The following ADAMTS15 variants were observed in gnomAD, a reference collection of about 807,000 sequenced individuals.
The protein encoded by ADAMTS15 is A disintegrin and metalloproteinase with thrombospondin motifs 15.
Under a neutral mutation model 79.1 loss-of-function variants are expected in ADAMTS15, and 35 were observed. The observed-to-expected ratio is 0.44, with a 90% CI of 0.34 to 0.59. ADAMTS15 has a LOEUF of 0.59. ADAMTS15 is among the 20% of genes least tolerant of loss of function. The pLI, the probability that ADAMTS15 is intolerant of heterozygous loss-of-function variation, is 0.02. For missense variants in ADAMTS15, 1,324 were observed against 1,318.7 expected (o/e 1.00, Z -0.06); for synonymous variants, 616 against 567.3 (o/e 1.09, Z -1.22).
At position 130,449,761 on chromosome 11, in the gene ADAMTS15, A is replaced by T; in HGVS notation, c.788A>T (p.Asn263Ile). The T allele has an allele frequency of 6.2e-7, 1 of 1,612,758 alleles. No individual in the cohort carries two copies. The highest frequency in any genetic ancestry group is 1.1e-5 in the South Asian group (1 of 91,068). The change falls in exon 1 of 8, where the codon AAC becomes ATC. Residue 263 changes from asparagine (N) to isoleucine (I), a missense_variant. Transcript: ENST00000299164. This position sits in a 1 kb window ranked among gnomAD's most constrained non-coding sequence, Gnocchi z 7.8. The part of the protein sequence containing the change: ...YRHPSILNPI[N>I]IVVVKVLLLR... ...CATCCCAGCATCCTCAACCCCATCA[A>T]CATCGTTGTGGTCAAGGTGCTGCTT... is the stretch of plus-strand genomic sequence containing the variant.
At chr11:130,468,062 GTGAATGCA>G (rs1810865406) in intron 4 of ADAMTS15, among the ~76,000 whole-genome samples, 1 of 152,164 alleles carries the variant, frequency 6.6e-6, no homozygotes, top group Non-Finnish European at 1.5e-5. Flanking sequence ...AGGGATGCCT[GTGAATGCA>G]CTAACAACAA....
chr11:130,451,351 G>C (rs1937956937), intron 1 of ADAMTS15, among the ~76,000 whole-genome samples: 1 of 152,148 alleles, frequency 6.6e-6, no homozygotes, highest in African/African-American at 2.4e-5. Context: ...TCCCTTCCTG[G>C]AGTCGAACTT....
chr11:130,469,623 A>G (rs1423749402), intron 5 of ADAMTS15, among the ~76,000 whole-genome samples, 184 bp downstream of exon 5: 2 of 152,214 alleles, frequency 1.3e-5, no homozygotes, highest in East Asian at 3.9e-4. Flanking sequence ...CAGGATTCCA[A>G]CCTTCAGGAC....
rs765014170 is a variant in ADAMTS15, at chr11:130,461,581, C to T, written c.1050C>T (p.Asp350=). 62 of 1,614,132 alleles carry T rather than the reference C, an allele frequency of 3.8e-5. 1 individual carries two copies. Among genetic ancestry groups the T allele is most frequent in the South Asian group, 7.7e-5 (7 of 91,080 alleles). The change falls in exon 2 of 8, where the codon GAC becomes GAT. Residue 350 remains aspartate, a synonymous_variant. Coordinates refer to ENST00000299164, the MANE Select transcript of ADAMTS15 (RefSeq NM_139055.4). Reference sequence around the variant, plus strand: ...AGAGAAGCTGCTCTGTCATTGAGGACGATGGGCTTCCATCAGCCTTCACCA... The same window carrying T: ...AGAGAAGCTGCTCTGTCATTGAGGATGATGGGCTTCCATCAGCCTTCACCA... ...DPKRSCSVIE[D]DGLPSAFTTA...
At position 130,473,489 on chromosome 11, in the gene ADAMTS15, G is replaced by A; in HGVS notation, c.2521G>A (p.Ala841Thr). The change falls in exon 8 of 8, where the codon GCA becomes ACA. Residue 841 changes from alanine (A) to threonine (T), a missense_variant. Ala to Thr is a moderately conservative substitution (Grantham distance 58, BLOSUM62 0). Transcript: ENST00000299164. ...GGAGCAGCCGGACGACAGGCCCCCTGCACGCTGGGTGGCTGGCAGCTGGGG... is the reference window on the plus strand; with the variant it reads ...GGAGCAGCCGGACGACAGGCCCCCTACACGCTGGGTGGCTGGCAGCTGGGG... ...QVEQPDDRPPARWVAGSWGPC... is the reference protein window; with the variant it reads ...QVEQPDDRPPTRWVAGSWGPC... 1 of 1,610,990 alleles carries A rather than the reference G, an allele frequency of 6.2e-7. No homozygotes were observed. The highest frequency in any genetic ancestry group is 8.5e-7 in the Non-Finnish European group (1 of 1,178,678).
Position 130,462,884 on chromosome 11 carries a change from A to T in ADAMTS15, c.1542+104A>T. ...TTCACCAGGAAGGTGCCTATCACAGACTGGCCACGGGACCAGCACTGTTGC... is the reference window on the plus strand; with the variant it reads ...TTCACCAGGAAGGTGCCTATCACAGTCTGGCCACGGGACCAGCACTGTTGC... On this transcript the variant is annotated intron_variant, in intron 4 of 7. Transcript: ENST00000299164. This position sits in a 1 kb window ranked among gnomAD's most constrained non-coding sequence, Gnocchi z 4.3. 1.4e-6 allele frequency: 2 copies of T among 1,466,688 alleles called. No homozygotes were observed. Among genetic ancestry groups the T allele is most frequent in the Non-Finnish European group, 1.8e-6 (2 of 1,088,294 alleles). The allele number at this position is 1,466,688 out of a possible 1,614,324, so 90.9% of individuals were successfully genotyped here.
Position 130,449,465 on chromosome 11 carries a change from C to T in ADAMTS15, c.492C>T (p.Gly164=), listed in dbSNP as rs1187988301. Residue 164 remains glycine (G), a synonymous_variant, in exon 1 of 8, where the codon GGC becomes GGT. Transcript: ENST00000299164. The surrounding 1 kb of genome is among the most constrained non-coding windows in gnomAD (Gnocchi z 7.8). Reference sequence around the variant, plus strand: ...TTCTCCAGCGCCGGGGTGTTCCGGGCGGGCCTTCCGGAGACCCCACCTCTC... The same window carrying T: ...TTCTCCAGCGCCGGGGTGTTCCGGGTGGGCCTTCCGGAGACCCCACCTCTC... ...AHLLQRRGVP[G]GPSGDPTSRC... 1.9e-6 allele frequency: 3 copies of T among 1,568,194 alleles called. No individual in the cohort carries two copies. Among genetic ancestry groups the T allele is most frequent in the Non-Finnish European group, 2.6e-6 (3 of 1,160,874 alleles).
rs1938371746 is a variant in ADAMTS15 at position 130,469,268 on chromosome 11, G to A, written c.1549G>A (p.Gly517Ser). Residue 517 changes from glycine to serine, a missense_variant, in exon 5 of 8, where the codon GGT (glycine) becomes AGT (serine). Transcript: ENST00000299164. Reference protein sequence around the residue: ...RHNLNKHRVDGSWAKWDPYGP... With the variant: ...RHNLNKHRVDSSWAKWDPYGP... ...AACAGGCTCTTCCTCACAGGTGGAT[G>A]GTTCCTGGGCCAAATGGGATCCCTA... 2 of 1,397,718 alleles carry A rather than the reference G, an allele frequency of 1.4e-6. No homozygotes were observed. Among genetic ancestry groups the A allele is most frequent in the South Asian group, 1.9e-5 (1 of 52,948 alleles). 86.6% of individuals were successfully genotyped at this position (1,397,718 alleles called of 1,614,324 possible).
At chr11:130,468,288 G>A in intron 4 of ADAMTS15, among the ~76,000 whole-genome samples, 1 of 152,156 alleles carries the variant, frequency 6.6e-6, no homozygotes, top group East Asian at 1.9e-4. Context: ...AGGAGGGTTT[G>A]CCCGTTGCTC....
intron 1 of ADAMTS15, among the ~76,000 whole-genome samples, chr11:130,451,621 G>A (rs1402676117): frequency 1.3e-5 from 2 of 152,088 alleles, no homozygotes; most frequent in African/African-American, 4.8e-5. Context: ...AATGGGCAAA[G>A]CAGCTGTTGC....
chr11:130,471,137 C>T lies in ADAMTS15; in HGVS notation c.1902+36C>T, dbSNP rs773439111. The T allele has an allele frequency of 3.1e-6, 5 of 1,597,818 alleles. No homozygotes were observed. The Admixed American group carries it at 6.8e-5, about 22-fold the overall frequency. On this transcript the variant is annotated intron_variant, in intron 6 of 7. Coordinates refer to ENST00000299164, the MANE Select transcript of ADAMTS15 (RefSeq NM_139055.4). ...CTGGGGCCTGAGAACAAAGTAGGGA[C>T]CAGGTCTTCCGGGGAGCATCAGCTG... is the stretch of plus-strand genomic sequence containing the variant.
At chr11:130,452,554 C>T (rs1163964849) in intron 1 of ADAMTS15, among the ~76,000 whole-genome samples, 6 of 152,218 alleles carry the variant, frequency 3.9e-5, no homozygotes, top group Admixed American at 3.9e-4. Flanking sequence ...GGTCCAATAA[C>T]GCTGCCGTTT....
chr11:130,455,898 C>G (rs1938068502), intron 1 of ADAMTS15, among the ~76,000 whole-genome samples: 1 of 152,072 alleles, frequency 6.6e-6, no homozygotes, highest in Non-Finnish European at 1.5e-5. Context: ...CCAGGCCTCT[C>G]CCCACTCAGT....
chr11:130,462,582 C>T lies in ADAMTS15; in HGVS notation c.1344C>T (p.Cys448=), dbSNP rs376836072. The T allele has an allele frequency of 2.3e-5, 37 of 1,613,660 alleles. No homozygotes were observed. The highest frequency in any genetic ancestry group is 4.5e-5 in the East Asian group (2 of 44,866). Residue 448 remains cysteine, a synonymous_variant, in exon 4 of 8, where the codon TGC becomes TGT. Coordinates refer to ENST00000299164, the MANE Select transcript of ADAMTS15 (RefSeq NM_139055.4). This position sits in a 1 kb window ranked among gnomAD's most constrained non-coding sequence, Gnocchi z 4.3. The stretch of plus-strand genomic sequence containing the variant: ...CCAGCTACACCCTGAGCCAGCAGTG[C>T]GAGCTGGCTTTTGGCGTGGGCTCCA... ...PGASYTLSQQ[C]ELAFGVGSKP...
chr11:130,471,197 G>C lies in ADAMTS15; in HGVS notation c.1903-11G>C, dbSNP rs753375860. 28 of 1,590,648 alleles carry C rather than the reference G, an allele frequency of 1.8e-5. No homozygotes were observed. Among genetic ancestry groups the C allele is most frequent in the Non-Finnish European group, 2.1e-5 (25 of 1,167,726 alleles). ...GCTCTTCCTTCTTTTTCCCCTTCTGGGGTGCTGCAGGTGGTGGACGGCACG... is the reference window on the plus strand; with the variant it reads ...GCTCTTCCTTCTTTTTCCCCTTCTGCGGTGCTGCAGGTGGTGGACGGCACG... On this transcript the variant is annotated splice_polypyrimidine_tract_variant and intron_variant, in intron 6 of 7. Coordinates refer to ENST00000299164, the MANE Select transcript of ADAMTS15 (RefSeq NM_139055.4).
In ADAMTS15 at chr11:130,462,186, T is replaced by C. The variant is rs1938213617; in HGVS notation, c.1190T>C (p.Ile397Thr). 1 of 1,614,070 alleles carries C rather than the reference T, an allele frequency of 6.2e-7. No individual in the cohort carries two copies. The highest frequency in any genetic ancestry group is 8.5e-7 in the Non-Finnish European group (1 of 1,180,044). The change falls in exon 3 of 8, where the codon ATC (isoleucine) becomes ACC (threonine). Residue 397 changes from isoleucine to threonine, a missense_variant. Coordinates refer to ENST00000299164, the MANE Select transcript of ADAMTS15 (RefSeq NM_139055.4). The surrounding 1 kb of genome is among the most constrained non-coding windows in gnomAD (Gnocchi z 4.3). Reference sequence around the variant, plus strand: ...ATGATGTCCCCGACCCTCATCCAGATCGACCGTGCCAACCCCTGGTCAGCC... The same window carrying C: ...ATGATGTCCCCGACCCTCATCCAGACCGACCGTGCCAACCCCTGGTCAGCC... ...NHMMSPTLIQ[I>T]DRANPWSACS... is the part of the protein sequence containing the mutation.
In ADAMTS15 at chr11:130,471,031, C is replaced by A; in HGVS notation, c.1832C>A (p.Ser611Tyr). 1 of 1,613,852 alleles carries A rather than the reference C, an allele frequency of 6.2e-7. No homozygotes were observed. Among genetic ancestry groups the A allele is most frequent in the South Asian group, 1.1e-5 (1 of 91,080 alleles). ...VAWVPKYSGV[S>Y]PRDKCKLICR... Reference sequence around the variant, plus strand: ...TGGGTGCCCAAGTACTCCGGCGTGTCTCCCCGGGACAAGTGCAAGCTCATC... The same window carrying A: ...TGGGTGCCCAAGTACTCCGGCGTGTATCCCCGGGACAAGTGCAAGCTCATC... The change falls in exon 6 of 8, where the codon TCT becomes TAT. Residue 611 changes from serine (S) to tyrosine (Y), a missense_variant. Physicochemically the swap from Ser to Tyr is moderately radical, Grantham distance 144. Coordinates refer to ENST00000299164, the MANE Select transcript of ADAMTS15 (RefSeq NM_139055.4).
intron 2 of ADAMTS15, among the ~76,000 whole-genome samples, 167 bp downstream of exon 2, chr11:130,461,788 C>T (rs149798376): frequency 1.5e-4 from 23 of 152,274 alleles, no homozygotes; most frequent in Admixed American, 3.3e-4. Flanking sequence ...GCCCCAGCCC[C>T]GCTGGCCAAT....
chr11:130,473,769 A>C lies in ADAMTS15; in HGVS notation c.2801A>C (p.Asn934Thr). 6.3e-7 allele frequency: 1 copy of C among 1,599,102 alleles called. No homozygotes were observed. The highest frequency in any genetic ancestry group is 1.1e-5 in the South Asian group (1 of 91,066). The change falls in exon 8 of 8, where the codon AAC becomes ACC. Residue 934 changes from asparagine (N) to threonine (T), a missense_variant. Transcript: ENST00000299164. ...CGGCTGCTGGCCCGGGACCAGTGCA[A>C]CTTGCACCGCAAGCCCCAGGAGCTG... ...GGRLLARDQC[N>T]LHRKPQELDF...
Sources: gnomAD v4.1 joint callset for allele counts (sites outside exome capture counted in the v4.1 genomes callset) on GRCh38, gnomAD v4.1.1 for gene constraint, Gnocchi (gnomAD v3.1) non-coding constraint, MANE v1.5 for transcripts, NCBI Gene and HGNC (gene_info 2026-07-23, HGNC 2026-07-21) for gene names.